GPC6: variants seen among roughly 807,000 people sequenced by gnomAD.
GPC6 encodes the protein glypican 6.
In GPC6, 14 loss-of-function variants were observed where a neutral mutation model predicts 55.2. The observed-to-expected ratio is 0.25, with a 90% CI of 0.17 to 0.40. The LOEUF is 0.40. Ranked by LOEUF, GPC6 falls within the 10% of genes least tolerant of loss-of-function variation. The pLI, the probability that GPC6 is intolerant of heterozygous loss-of-function variation, is 1.00. For missense variants in GPC6, 641 were observed against 708.5 expected (o/e 0.90, Z 1.08); for synonymous variants, 278 against 259.6 (o/e 1.07, Z -0.68).
intron 1 of GPC6, among the ~76,000 whole-genome samples, chr13:93,251,509 GA>G (rs1367528258): frequency 6.6e-6 from 1 of 152,156 alleles, no homozygotes; most frequent in Non-Finnish European, 1.5e-5. Flanking sequence ...GAAATAATAT[GA>G]ACTTTTTATT....
chr13:93,535,317 G>A (rs567321156), intron 1 of GPC6, among the ~76,000 whole-genome samples: 2 of 152,134 alleles, frequency 1.3e-5, no homozygotes, highest in African/African-American at 4.8e-5. Flanking sequence ...GGTGTCAGAA[G>A]GTAGTTCTGC....
Position 93,837,917 on chromosome 13 carries a change from G to T in GPC6, c.711+7372G>T, listed in dbSNP as rs79713387. 4.3e-3 allele frequency among the ~76,000 whole-genome samples: 651 copies of T among 152,294 alleles called. 7 individuals carry two copies. The highest frequency in any genetic ancestry group is 0.015 in the African/African-American group (626 of 41,560). On this transcript the variant is annotated intron_variant, in intron 3 of 8. Transcript: ENST00000377047. ...AGAGGTGTGAAACTGAATGATGTGTGCAGGGAGCTACAAGCATGTTATCCT... is the reference window on the plus strand; with the variant it reads ...AGAGGTGTGAAACTGAATGATGTGTTCAGGGAGCTACAAGCATGTTATCCT...
At chr13:93,568,824 C>G (rs1594275167) in intron 2 of GPC6, among the ~76,000 whole-genome samples, 1 of 152,154 alleles carries the variant, frequency 6.6e-6, no homozygotes, top group Non-Finnish European at 1.5e-5. Flanking sequence ...ACTAATGATT[C>G]TCTTCATTAA....
intron 6 of GPC6, among the ~76,000 whole-genome samples, chr13:94,330,176 T>C (rs73551854): frequency 0.018 from 2,799 of 152,286 alleles, 83 homozygotes; most frequent in African/African-American, 0.063. Flanking sequence ...CATTAGCAAT[T>C]CTTATGGAAA....
chr13:93,871,031 T>G (rs1180211795), intron 3 of GPC6, among the ~76,000 whole-genome samples: 4 of 151,910 alleles, frequency 2.6e-5, no homozygotes, highest in Admixed American at 1.3e-4. Context: ...CACCGCTACT[T>G]TGAGTTTAGG....
chr13:94,306,095 C>G lies in GPC6; in HGVS notation c.1124C>G (p.Thr375Ser), dbSNP rs750096988. Residue 375 changes from threonine (T) to serine (S), a missense_variant, in exon 6 of 9, where the codon ACT (threonine) becomes AGT (serine). Coordinates refer to ENST00000377047, the MANE Select transcript of GPC6 (RefSeq NM_005708.5). Reference protein sequence around the residue: ...RPYNPEERPTTAAGTSLDRLV... With the variant: ...RPYNPEERPTSAAGTSLDRLV... ...TACAATCCTGAGGAAAGACCAACAACTGCTGCAGGCACAAGCTTGGACCGG... is the reference window on the plus strand; with the variant it reads ...TACAATCCTGAGGAAAGACCAACAAGTGCTGCAGGCACAAGCTTGGACCGG... The G allele has an allele frequency of 6.2e-7, 1 of 1,614,206 alleles. No homozygotes were observed. Among genetic ancestry groups the G allele is most frequent in the South Asian group, 1.1e-5 (1 of 91,082 alleles).
intron 7 of GPC6, among the ~76,000 whole-genome samples, chr13:94,388,680 G>A (rs879395484): frequency 1.3e-5 from 2 of 152,160 alleles, no homozygotes; most frequent in Admixed American, 6.5e-5. Context: ...CCAAGATCAG[G>A]GTGCCGGCAG....
At chr13:93,358,583 A>G (rs1880935858) in intron 1 of GPC6, among the ~76,000 whole-genome samples, 1 of 151,858 alleles carries the variant, frequency 6.6e-6, no homozygotes, top group Admixed American at 6.6e-5. Context: ...ACATTGAAAA[A>G]CCCATCTTGA....
chr13:94,398,722 G>A, intron 8 of GPC6, 81 bp downstream of exon 8: 1 of 1,079,792 alleles, frequency 9.3e-7, no homozygotes, highest in Non-Finnish European at 1.4e-6. Flanking sequence ...TTCTTCAAGA[G>A]CAATATGCCC....
At chr13:93,895,218 A>ATG (rs1299548089) in intron 3 of GPC6, among the ~76,000 whole-genome samples, 7 of 60,422 alleles carry the variant, frequency 1.2e-4, no homozygotes, top group South Asian at 5.9e-4. Context: ...GTGTGTGTGT[A>ATG]TGTATGTGTG....
At chr13:93,654,470 G>T (rs1272655652) in intron 2 of GPC6, among the ~76,000 whole-genome samples, 2 of 152,044 alleles carry the variant, frequency 1.3e-5, no homozygotes, top group Non-Finnish European at 2.9e-5. Flanking sequence ...TGGGATTACA[G>T]GTGCTTGCCA....
intron 2 of GPC6, among the ~76,000 whole-genome samples, chr13:93,700,084 A>G (rs567454468): frequency 5.3e-5 from 8 of 152,240 alleles, no homozygotes; most frequent in Admixed American, 3.3e-4. Flanking sequence ...AAAGATTACA[A>G]TGCTCTTAAT....
intron 1 of GPC6, among the ~76,000 whole-genome samples, chr13:93,532,993 T>A (rs948585220): frequency 2.0e-5 from 3 of 152,184 alleles, no homozygotes; most frequent in African/African-American, 7.2e-5. Context: ...TCCCCTAAAG[T>A]AGAATGTTAA....
At chr13:93,970,751 G>A (rs76630197) in intron 3 of GPC6, among the ~76,000 whole-genome samples, 1 of 152,212 alleles carries the variant, frequency 6.6e-6, no homozygotes, top group Admixed American at 6.5e-5. Context: ...GATGAAACTC[G>A]CATCAACACC....
At chr13:93,234,952 A>C (rs1318534893) in intron 1 of GPC6, among the ~76,000 whole-genome samples, 3 of 152,176 alleles carry the variant, frequency 2.0e-5, no homozygotes, top group Admixed American at 2.0e-4. Flanking sequence ...AACTATCAAA[A>C]TACATGTAAT....
chr13:94,204,855 A>C (rs180913576), intron 4 of GPC6, among the ~76,000 whole-genome samples: 3 of 152,198 alleles, frequency 2.0e-5, no homozygotes, highest in Admixed American at 2.0e-4. Context: ...TATTCAATGA[A>C]TCTTTCTTTA....
chr13:93,740,352 T>C (rs773334700), intron 2 of GPC6, among the ~76,000 whole-genome samples: 7 of 152,222 alleles, frequency 4.6e-5, no homozygotes, highest in Non-Finnish European at 1.0e-4. Context: ...CTAAATTATT[T>C]ACTTTAGAAA....
chr13:93,398,860 A>G (rs1875959299), intron 1 of GPC6, among the ~76,000 whole-genome samples: 3 of 152,154 alleles, frequency 2.0e-5, no homozygotes, highest in African/African-American at 7.2e-5. Flanking sequence ...GTACTTGACT[A>G]TGTATTAGAC....
intron 1 of GPC6, among the ~76,000 whole-genome samples, chr13:93,428,850 T>C (rs1320137319): frequency 2.0e-5 from 3 of 152,196 alleles, no homozygotes; most frequent in Non-Finnish European, 2.9e-5. Flanking sequence ...TAAATGTGAA[T>C]ACAAAAACTA....
Sources: gnomAD v4.1 joint callset for allele counts (sites outside exome capture counted in the v4.1 genomes callset) on GRCh38, gnomAD v4.1.1 for gene constraint, MANE v1.5 for transcripts, NCBI Gene and HGNC (gene_info 2026-07-23, HGNC 2026-07-21) for gene names.